MAPT: variants seen among roughly 807,000 people sequenced by gnomAD.
MAPT encodes the protein microtubule associated protein tau.
In MAPT, 34 loss-of-function variants were observed where a neutral mutation model predicts 67.9. The observed-to-expected ratio is 0.50, with a 90% confidence interval of 0.38 to 0.67. The LOEUF is 0.67. MAPT is among the 30% of genes least tolerant of loss of function. MAPT has a pLI of 0.00. For synonymous variants in MAPT, 456 were observed against 464.5 expected (o/e 0.98, Z 0.23); for missense variants, 881 against 1,115.2 (o/e 0.79, Z 2.99).
chr17:46,026,335 A>C lies in MAPT; in HGVS notation c.*2164A>C, dbSNP rs1411436998. ...GCCTGAAGCACAGGATTAGGACTGAAGCGATGATGTCCCCTTCCCTACTTC... is the reference window on the plus strand; with the variant it reads ...GCCTGAAGCACAGGATTAGGACTGACGCGATGATGTCCCCTTCCCTACTTC... On this transcript the variant is annotated 3_prime_UTR_variant, in exon 13 of 13. Coordinates refer to ENST00000262410, the MANE Select transcript of MAPT (RefSeq NM_001377265.1). The C allele has an allele frequency of 1.3e-5, 2 of 152,648 alleles. No individual in the cohort carries two copies. The highest frequency in any genetic ancestry group is 2.1e-4 in the South Asian group (1 of 4,828). The allele number at this position is 152,648 out of a possible 1,614,324, so 9.5% of individuals were successfully genotyped here.
At chr17:45,999,211 C>G in intron 9 of MAPT, 1 of 1,542,038 alleles carries the variant, frequency 6.5e-7, no homozygotes, top group Non-Finnish European at 8.7e-7. Context: ...GGATTCCCCT[C>G]TCTCTTCTTA....
chr17:46,020,289 T>C (rs1181098851), intron 12 of MAPT, among the ~76,000 whole-genome samples: 1 of 152,134 alleles, frequency 6.6e-6, no homozygotes, highest in African/African-American at 2.4e-5. Context: ...TAGGTCTTGC[T>C]GTGGGTGTCT....
rs2072062678 is a variant in MAPT, at chr17:45,974,296, C to G, written c.220+2351C>G. The G allele has an allele frequency of 4.3e-6, 4 of 923,320 alleles. 1 individual carries two copies. The South Asian group carries it at 5.5e-5, about 13-fold the overall frequency. 57.2% of individuals were successfully genotyped at this position (923,320 alleles called of 1,614,324 possible). On this transcript the variant is annotated intron_variant, in intron 3 of 12. Coordinates refer to ENST00000262410, the MANE Select transcript of MAPT (RefSeq NM_001377265.1). ...GGCTGATCCCCTCCTCACTCCTCCT[C>G]CCTGCATTGCTCCTGCGCAAGAAGC...
In MAPT at chr17:45,971,905, C is replaced by T. The variant is rs1187428547; in HGVS notation, c.180C>T (p.Gly60=). Reference sequence around the variant, plus strand: ...CTGAGGACGGATCTGAGGAACCGGGCTCTGAAACCTCTGATGCTAAGAGCA... The same window carrying T: ...CTGAGGACGGATCTGAGGAACCGGGTTCTGAAACCTCTGATGCTAAGAGCA... ...TPTEDGSEEP[G]SETSDAKSTP... is the part of the protein sequence containing the mutation. The change falls in exon 3 of 13, where the codon GGC becomes GGT. Residue 60 remains glycine, a synonymous_variant. Transcript: ENST00000262410. This position sits in a 1 kb window ranked among gnomAD's most constrained non-coding sequence, Gnocchi z 4.3. The T allele has an allele frequency of 6.2e-7, 1 of 1,614,108 alleles. No homozygotes were observed. Among genetic ancestry groups the T allele is most frequent in the Admixed American group, 1.7e-5 (1 of 60,028 alleles).
At chr17:45,958,905 A>G (rs1253791221) in intron 1 of MAPT, among the ~76,000 whole-genome samples, 1 of 151,952 alleles carries the variant, frequency 6.6e-6, no homozygotes, top group Non-Finnish European at 1.5e-5. Flanking sequence ...TCTACAAAAA[A>G]TACAAAAATT....
intron 9 of MAPT, chr17:45,999,698 G>A (rs759133869): frequency 1.7e-5 from 26 of 1,532,790 alleles, no homozygotes; most frequent in East Asian, 6.8e-5. Context: ...AGGTTATGAC[G>A]TCACCATGCT....
intron 1 of MAPT, among the ~76,000 whole-genome samples, chr17:45,957,243 A>G (rs541788626): frequency 9.2e-5 from 14 of 152,242 alleles, no homozygotes; most frequent in African/African-American, 3.1e-4. Context: ...ATTTCTCCAC[A>G]TCCTCTCCAG....
intron 2 of MAPT, among the ~76,000 whole-genome samples, chr17:45,963,409 G>C (rs2070677740): frequency 6.6e-6 from 1 of 152,120 alleles, no homozygotes; most frequent in Admixed American, 6.6e-5. Flanking sequence ...TCCAAGGGTT[G>C]GACCAAGTTG....
rs561814123 is a variant in MAPT at position 45,981,738 on chromosome 17, G to A, written c.287-1128G>A. ...TTTCACTGGTTTCATTTACCAAAAAGGGGAGCAGAAGTCAAGTATGGTGGC... is the reference window on the plus strand; with the variant it reads ...TTTCACTGGTTTCATTTACCAAAAAAGGGAGCAGAAGTCAAGTATGGTGGC... On this transcript the variant is annotated intron_variant, in intron 4 of 12. Coordinates refer to ENST00000262410, the MANE Select transcript of MAPT (RefSeq NM_001377265.1). Among the ~76,000 whole-genome samples the A allele has an allele frequency of 1.2e-4, 19 of 152,250 alleles. No homozygotes were observed. The East Asian group carries it at 3.7e-3, about 29-fold the overall frequency.
intron 10 of MAPT, among the ~76,000 whole-genome samples, chr17:46,012,040 G>C (rs1290717208): frequency 6.6e-6 from 1 of 152,138 alleles, no homozygotes; most frequent in Non-Finnish European, 1.5e-5. Context: ...CCCCACCCCT[G>C]CCCGGGCCCT....
intron 1 of MAPT, among the ~76,000 whole-genome samples, chr17:45,934,424 ATGTG>A (rs1216895758): frequency 6.6e-6 from 1 of 152,132 alleles, no homozygotes; most frequent in Non-Finnish European, 1.5e-5. Flanking sequence ...AAAGTTACGC[ATGTG>A]TGTATTTTTT....
intron 1 of MAPT, among the ~76,000 whole-genome samples, chr17:45,947,457 C>G (rs2068622882): frequency 6.6e-6 from 1 of 150,400 alleles, no homozygotes; most frequent in South Asian, 2.1e-4. Context: ...GATCTCGGCT[C>G]ACTGCATGCA....
At chr17:45,991,068 C>G (rs1274971316) in intron 7 of MAPT, among the ~76,000 whole-genome samples, 1 of 152,226 alleles carries the variant, frequency 6.6e-6, no homozygotes, top group Admixed American at 6.5e-5. Flanking sequence ...CCACCATCAG[C>G]CAAATAAATC....
intron 6 of MAPT, 51 bp from the exon 7 acceptor site, chr17:45,989,827 C>G (rs374408045): frequency 5.3e-6 from 8 of 1,523,264 alleles, no homozygotes; most frequent in Non-Finnish European, 7.3e-6. Flanking sequence ...GTTTGTTTCC[C>G]TCCTCCATGT....
chr17:45,984,623 G>A (rs1025977343), intron 5 of MAPT, among the ~76,000 whole-genome samples: 8 of 152,242 alleles, frequency 5.3e-5, no homozygotes, highest in African/African-American at 1.9e-4. Context: ...GTGGCAGGAA[G>A]ACAAGGAGCA....
At chr17:45,932,226 G>A (rs898346806) in intron 1 of MAPT, 2 of 152,130 alleles carry the variant, frequency 1.3e-5, no homozygotes, top group African/African-American at 4.8e-5. Flanking sequence ...CTTAATGCAG[G>A]AACATGTGTT....
At chr17:45,930,356 G>A (rs534731178) in intron 1 of MAPT, among the ~76,000 whole-genome samples, 5 of 150,194 alleles carry the variant, frequency 3.3e-5, no homozygotes, top group East Asian at 1.9e-4. Flanking sequence ...GCAGTGAGCC[G>A]AGATCGCACT....
chr17:45,983,774 AG>A lies in MAPT; in HGVS notation c.1198del (p.Ala400LeufsTer80), dbSNP rs2073248506. 10 of 1,613,954 alleles carry A rather than the reference AG, an allele frequency of 6.2e-6. No homozygotes were observed. Among genetic ancestry groups the A allele is most frequent in the Middle Eastern group, 3.3e-4 (2 of 6,074 alleles). On this transcript the variant is annotated frameshift_variant, in exon 5 of 13. Transcript: ENST00000262410. LOFTEE classifies it high-confidence loss of function. The part of the protein sequence containing the change: ...EQAHSEEHLG[R>X]AAFPGAPGEG... ...GGCGCACTCGGAGGAGCATTTGGGA[AG>A]GGCTGCATTTCCAGGGGCCCCTGGA...
chr17:45,934,399 A>G (rs2067132090), intron 1 of MAPT, among the ~76,000 whole-genome samples: 1 of 152,238 alleles, frequency 6.6e-6, no homozygotes, highest in South Asian at 2.1e-4. Context: ...ATATTTAAAT[A>G]CAGTATGTTG....
Sources: allele counts gnomAD v4.1 joint callset (sites outside exome capture counted in the v4.1 genomes callset), GRCh38; gene constraint gnomAD v4.1.1; non-coding constraint Gnocchi (gnomAD v3.1); transcripts MANE v1.5; gene names NCBI Gene and HGNC (gene_info 2026-07-23, HGNC 2026-07-21).